The following TLK2 variants were observed in gnomAD, a reference collection of about 807,000 sequenced individuals.
TLK2 encodes the protein tousled like kinase 2.
In TLK2, 6 loss-of-function variants were observed where a neutral mutation model predicts 117.3. The ratio of observed to expected loss-of-function variants is 0.05; its 90% CI spans 0.03 to 0.10. The LOEUF (loss-of-function observed/expected upper bound fraction) is 0.10, where lower values mean the gene tolerates loss of function less well. Ranked by LOEUF, TLK2 falls within the 10% of genes least tolerant of loss-of-function variation. TLK2 has a pLI of 1.00. For synonymous variants in TLK2, 257 were observed against 316.7 expected (o/e 0.81, Z 2.00); for missense variants, 299 against 901.2 (o/e 0.33, Z 8.56).
chr17:62,544,532 C>A (rs1183925158), intron 7 of TLK2, among the ~76,000 whole-genome samples: 7 of 152,108 alleles, frequency 4.6e-5, no homozygotes, highest in Non-Finnish European at 7.4e-5. Flanking sequence ...TACAATTCAA[C>A]ATGAGATTTG....
At chr17:62,489,458 C>T (rs1044052276) in intron 2 of TLK2, among the ~76,000 whole-genome samples, 6 of 152,168 alleles carry the variant, frequency 3.9e-5, no homozygotes, top group African/African-American at 1.4e-4. Context: ...ATCCGCCAGC[C>T]TTGGCCTCCC....
chr17:62,516,506 C>T (rs1598335451), intron 2 of TLK2: 2 of 1,607,548 alleles, frequency 1.2e-6, no homozygotes, highest in East Asian at 4.5e-5. Context: ...GGCACAATCT[C>T]CGGGGGCAGA....
At chr17:62,472,823 T>C (rs1374558362) in intron 1 of TLK2, among the ~76,000 whole-genome samples, 1 of 151,624 alleles carries the variant, frequency 6.6e-6, no homozygotes, top group East Asian at 1.9e-4. Context: ...ATAGGGAAAG[T>C]ACAACTCCCC....
intron 1 of TLK2, 136 bp from the exon 2 acceptor site, chr17:62,480,985 T>A (rs2071579680): frequency 1.3e-6 from 1 of 785,494 alleles, no homozygotes; most frequent in South Asian, 1.7e-5. Context: ...AGTCTACCAC[T>A]TGTATGCTAT....
At chr17:62,564,281 T>C (rs2146423869) in intron 10 of TLK2, among the ~76,000 whole-genome samples, 1 of 152,216 alleles carries the variant, frequency 6.6e-6, no homozygotes, top group East Asian at 1.9e-4. Flanking sequence ...CTCACGCCTG[T>C]AATCTCAGCA....
At chr17:62,593,951 C>T (rs1367727350) in intron 16 of TLK2, among the ~76,000 whole-genome samples, 1 of 151,748 alleles carries the variant, frequency 6.6e-6, no homozygotes, top group Non-Finnish European at 1.5e-5. Flanking sequence ...CACCACCGCT[C>T]CCTGCTGCTT....
At chr17:62,542,823 T>G (rs567050078) in intron 7 of TLK2, among the ~76,000 whole-genome samples, 7 of 152,240 alleles carry the variant, frequency 4.6e-5, no homozygotes, top group Admixed American at 6.5e-5. Context: ...AAACTTGATT[T>G]TTTAAAAAGG....
intron 2 of TLK2, among the ~76,000 whole-genome samples, chr17:62,487,014 C>G (rs555191964): frequency 1.3e-4 from 20 of 152,328 alleles, no homozygotes; most frequent in African/African-American, 4.6e-4. Context: ...TGATTGCAGG[C>G]TGGGCGCAGT....
chr17:62,582,074 A>G (rs2081261655), intron 15 of TLK2, among the ~76,000 whole-genome samples: 1 of 152,142 alleles, frequency 6.6e-6, no homozygotes, highest in South Asian at 2.1e-4. Flanking sequence ...TAGCAAGACC[A>G]TGCCTCTACA....
At chr17:62,569,757 A>T (rs574152019) in intron 11 of TLK2, among the ~76,000 whole-genome samples, 1 of 152,208 alleles carries the variant, frequency 6.6e-6, no homozygotes, top group Admixed American at 6.5e-5. Context: ...ACTACTAGTT[A>T]CTTCTTGTAT....
Position 62,570,689 on chromosome 17 carries a change from G to A in TLK2, c.969-2526G>A, listed in dbSNP as rs148803659. Reference sequence around the variant, plus strand: ...CATCAGCTTTCATGTTCAAACTTTCGTTCTCAGAATGTGCAGTTTAGGATT... The same window carrying A: ...CATCAGCTTTCATGTTCAAACTTTCATTCTCAGAATGTGCAGTTTAGGATT... On this transcript the variant is annotated intron_variant, in intron 11 of 21. Transcript: ENST00000346027. Among the ~76,000 whole-genome samples the A allele has an allele frequency of 5.9e-5, 9 of 152,180 alleles. No individual in the cohort carries two copies. In the East Asian group the frequency reaches 1.5e-3, roughly 26 times the overall value.
chr17:62,534,318 GT>G (rs2076964759), intron 6 of TLK2, among the ~76,000 whole-genome samples: 2 of 152,134 alleles, frequency 1.3e-5, no homozygotes, highest in Non-Finnish European at 2.9e-5. Context: ...TTAAACTTGG[GT>G]TTTAGAGAAA....
chr17:62,587,954 GTATATGTATAAAA>G (rs2081753725), intron 16 of TLK2, among the ~76,000 whole-genome samples: 1 of 150,852 alleles, frequency 6.6e-6, no homozygotes, highest in African/African-American at 2.4e-5. Context: ...ATATACAGAT[GTATATGTATAAAA>G]TATACGTATA....
At chr17:62,520,913 C>T in intron 3 of TLK2, 69 bp downstream of exon 3, 1 of 1,561,230 alleles carries the variant, frequency 6.4e-7, no homozygotes, top group Non-Finnish European at 8.8e-7. Context: ...TGGCTCAAGG[C>T]TGTAATCCCA....
chr17:62,600,813 C>T lies in TLK2; in HGVS notation c.1713C>T (p.Leu571=), dbSNP rs1025569898. The T allele has an allele frequency of 1.9e-5, 31 of 1,605,216 alleles. No homozygotes were observed. The East Asian group carries it at 5.1e-4, about 27-fold the overall frequency. Residue 571 remains leucine (L), a synonymous_variant, in exon 18 of 22, where the codon CTC becomes CTT. Transcript: ENST00000346027. ...AACCTCCCATCATACACTATGACCTCAAACCAGGTATGTCTAACTTTTAGG... is the reference window on the plus strand; with the variant it reads ...AACCTCCCATCATACACTATGACCTTAAACCAGGTATGTCTAACTTTTAGG... ...EIKPPIIHYD[L]KPGNILLVNG...
At chr17:62,520,496 G>A (rs1415928145) in intron 2 of TLK2, among the ~76,000 whole-genome samples, 1 of 151,896 alleles carries the variant, frequency 6.6e-6, no homozygotes, top group Non-Finnish European at 1.5e-5. Context: ...GGCCAACATG[G>A]TGAAACCCCA....
At chr17:62,519,326 A>G (rs1157964339) in intron 2 of TLK2, among the ~76,000 whole-genome samples, 1 of 152,198 alleles carries the variant, frequency 6.6e-6, no homozygotes, top group Admixed American at 6.5e-5. Context: ...GTCAAAAATC[A>G]TTTGACCACA....
chr17:62,491,553 T>G (rs1192549006), intron 2 of TLK2, among the ~76,000 whole-genome samples: 11 of 152,150 alleles, frequency 7.2e-5, no homozygotes, highest in Non-Finnish European at 2.9e-5. Flanking sequence ...ATCTACTTCC[T>G]AATATGTTGG....
Position 62,579,357 on chromosome 17 carries a change from C to T in TLK2, c.1287-754C>T, listed in dbSNP as rs577705016. Reference sequence around the variant, plus strand: ...AACAAGCTTAGAGAAATTAAATTAACTTGCCCAGGGACCCATAAATAATGT... The same window carrying T: ...AACAAGCTTAGAGAAATTAAATTAATTTGCCCAGGGACCCATAAATAATGT... On this transcript the variant is annotated intron_variant, in intron 14 of 21. Coordinates refer to ENST00000346027, the MANE Select transcript of TLK2 (RefSeq NM_006852.6). Among the ~76,000 whole-genome samples, 14 of 152,252 alleles carry T rather than the reference C, an allele frequency of 9.2e-5. No homozygotes were observed. In the South Asian group the frequency reaches 2.3e-3, roughly 25 times the overall value.
Sources: gnomAD v4.1 joint callset for allele counts (sites outside exome capture counted in the v4.1 genomes callset) on GRCh38, gnomAD v4.1.1 for gene constraint, MANE v1.5 for transcripts, NCBI Gene and HGNC (gene_info 2026-07-23, HGNC 2026-07-21) for gene names.